Variants in AP4M1 observed in about 807,000 individuals in gnomAD.
AP4M1 encodes the protein adaptor related protein complex 4 subunit mu 1, also known as AP-4 complex subunit mu-1.
Under a neutral mutation model 62.4 loss-of-function variants are expected in AP4M1, and 58 were observed. The observed-to-expected ratio is 0.93, with a 90% CI of 0.75 to 1.16. The LOEUF (loss-of-function observed/expected upper bound fraction) is 1.16, where lower values mean the gene tolerates loss of function less well. AP4M1 is among the 50% of genes most tolerant of loss of function. AP4M1 has a pLI of 0.00. For missense variants in AP4M1, 626 were observed against 585.4 expected (o/e 1.07, Z -0.72); for synonymous variants, 290 against 239.7 (o/e 1.21, Z -1.94).
intron 2 of AP4M1, 95 bp from the exon 3 acceptor site, chr7:100,102,580 G>C: frequency 9.4e-7 from 1 of 1,062,666 alleles, no homozygotes; most frequent in Non-Finnish European, 1.4e-6. Flanking sequence ...GTTGTGACTA[G>C]TAAGAGGCAT....
At chr7:100,101,111 G>A (rs1364483502), upstream of AP4M1, 1 of 914,866 alleles carries the variant, frequency 1.1e-6, no homozygotes, top group Non-Finnish European at 1.7e-6. Flanking sequence ...CAGGCCCCGT[G>A]GGCCTTAGCC....
chr7:100,101,566 C>T (rs1796033904), upstream of AP4M1: 3 of 889,974 alleles, frequency 3.4e-6, no homozygotes, highest in Non-Finnish European at 5.5e-6. Flanking sequence ...CGGGGTAGTG[C>T]AGGCGCCGGG....
In AP4M1 at chr7:100,108,172, G is replaced by A; in HGVS notation, c.*1290G>A. On this transcript the variant is annotated 3_prime_UTR_variant, in exon 15 of 15. Coordinates refer to ENST00000359593, the MANE Select transcript of AP4M1 (RefSeq NM_004722.4). ...GAAGTGGCACCATCTACTAAGAAGAGGAGTCTGAAGGGAGAGGCCTGGGCT... is the reference window on the plus strand; with the variant it reads ...GAAGTGGCACCATCTACTAAGAAGAAGAGTCTGAAGGGAGAGGCCTGGGCT... The A allele has an allele frequency of 1.3e-6, 2 of 1,541,206 alleles. No individual in the cohort carries two copies. The highest frequency in any genetic ancestry group is 1.2e-5 in the South Asian group (1 of 84,148).
upstream of AP4M1, chr7:100,101,117 T>A (rs894744467): frequency 1.0e-6 from 1 of 1,002,594 alleles, no homozygotes. Context: ...CCGTGGGCCT[T>A]AGCCAGGCCG....
chr7:100,104,572 T>G (rs889688491), intron 7 of AP4M1, among the ~76,000 whole-genome samples: 3 of 152,094 alleles, frequency 2.0e-5, no homozygotes, highest in African/African-American at 7.2e-5. Flanking sequence ...GGCTCATGCC[T>G]GTAATCCCAG....
intron 11 of AP4M1, 75 bp from the exon 12 acceptor site, chr7:100,105,884 G>A: frequency 1.3e-6 from 2 of 1,553,970 alleles, no homozygotes; most frequent in South Asian, 2.2e-5. Flanking sequence ...AGCCCCACAT[G>A]GAGGTCCCTG....
chr7:100,105,280 C>T lies in AP4M1; in HGVS notation c.768C>T (p.His256=). 6.2e-7 allele frequency: 1 copy of T among 1,614,180 alleles called. No individual in the cohort carries two copies. Among genetic ancestry groups the T allele is most frequent in the Non-Finnish European group, 8.5e-7 (1 of 1,180,040 alleles). Residue 256 remains histidine, a synonymous_variant, in exon 10 of 15, where the codon CAC becomes CAT. Coordinates refer to ENST00000359593, the MANE Select transcript of AP4M1 (RefSeq NM_004722.4). The part of the protein sequence containing the change: ...PGIRVDEVSF[H]SSVNLDEFES... ...TCCGGGTCGATGAAGTCTCGTTTCA[C>T]AGCTCTGTGAATCTGGACGAATTTG...
chr7:100,101,484 C>G, upstream of AP4M1: 2 of 808,504 alleles, frequency 2.5e-6, no homozygotes, highest in Non-Finnish European at 4.0e-6. Flanking sequence ...CCGCTAGCCG[C>G]AAGCCAATCA....
chr7:100,107,507 TGCGGTGGTG>T lies in AP4M1; in HGVS notation c.*633_*641del. The T allele has an allele frequency of 2.5e-6, 4 of 1,612,888 alleles. No homozygotes were observed. Among genetic ancestry groups the T allele is most frequent in the Non-Finnish European group, 3.4e-6 (4 of 1,179,720 alleles). On this transcript the variant is annotated 3_prime_UTR_variant, in exon 15 of 15. Coordinates refer to ENST00000359593, the MANE Select transcript of AP4M1 (RefSeq NM_004722.4). Reference sequence around the variant, plus strand: ...GACCAGAGGGAGCAGTGCTGGGGGGTGCGGTGGTGGCGGTGGAGACCAACTTGACGATGG... The same window carrying T: ...GACCAGAGGGAGCAGTGCTGGGGGGTGCGGTGGAGACCAACTTGACGATGG...
chr7:100,107,746 G>T lies in AP4M1; in HGVS notation c.*864G>T. The T allele has an allele frequency of 6.9e-7, 1 of 1,448,912 alleles. No individual in the cohort carries two copies. The highest frequency in any genetic ancestry group is 9.2e-7 in the Non-Finnish European group (1 of 1,086,650). The allele number at this position is 1,448,912 out of a possible 1,614,324, so 89.8% of individuals were successfully genotyped here. On this transcript the variant is annotated 3_prime_UTR_variant, in exon 15 of 15. Transcript: ENST00000359593. ...GTTCCTGTAGTTCACCCTGTAGACA[G>T]CTATGGCTGGAGACCTTGTTCATGC... is the stretch of plus-strand genomic sequence containing the variant.
Position 100,101,885 on chromosome 7 carries a change from G to T in AP4M1, c.64G>T (p.Gly22Trp). The T allele has an allele frequency of 6.2e-7, 1 of 1,613,402 alleles. No homozygotes were observed. Among genetic ancestry groups the T allele is most frequent in the Non-Finnish European group, 8.5e-7 (1 of 1,179,964 alleles). The change falls in exon 2 of 15, where the codon GGG becomes TGG. Residue 22 changes from glycine to tryptophan, a missense_variant. Transcript: ENST00000359593. ...TGAGTCCTTCCACCCGCCAGTCCGC[G>T]GGGACAGTGGCGGCCGGGATGTGGC... is the stretch of plus-strand genomic sequence containing the variant. ...GDPLIYKDFRGDSGGRDVAEL... is the reference protein window; with the variant it reads ...GDPLIYKDFRWDSGGRDVAEL...
intron 7 of AP4M1, 101 bp downstream of exon 7, chr7:100,104,255 T>A: frequency 2.0e-6 from 2 of 1,008,316 alleles, no homozygotes; most frequent in Non-Finnish European, 3.1e-6. Flanking sequence ...CAGTGGCTCA[T>A]GCTTGTAATC....
Position 100,108,657 on chromosome 7 carries a change from T to G in AP4M1, c.*1775T>G. The G allele has an allele frequency of 5.9e-6, 7 of 1,192,446 alleles. No individual in the cohort carries two copies. The highest frequency in any genetic ancestry group is 2.3e-4 in the Middle Eastern group (1 of 4,292). The allele number at this position is 1,192,446 out of a possible 1,614,324, so 73.9% of individuals were successfully genotyped here. The stretch of plus-strand genomic sequence containing the variant: ...GGGATGGGGTAAAAAAGGACATTCC[T>G]TATCATCTCAGTGCCCCTGTTGAAG... On this transcript the variant is annotated 3_prime_UTR_variant, in exon 15 of 15. Coordinates refer to ENST00000359593, the MANE Select transcript of AP4M1 (RefSeq NM_004722.4).
chr7:100,103,471 T>C lies in AP4M1; in HGVS notation c.414T>C (p.Ala138=), dbSNP rs1796224920. ...TGAGGAATTTCATCCAGACGGAAGC[T>C]GTGGTCAGCAAGCCCTTCAGCCTCT... The part of the protein sequence containing the change: ...EMLRNFIQTE[A]VVSKPFSLFD... The change falls in exon 5 of 15, where the codon GCT becomes GCC. Residue 138 remains alanine (A), a synonymous_variant. Transcript: ENST00000359593. 1.2e-6 allele frequency: 2 copies of C among 1,614,154 alleles called. No homozygotes were observed. Among genetic ancestry groups the C allele is most frequent in the Non-Finnish European group, 1.7e-6 (2 of 1,180,012 alleles).
chr7:100,100,903 T>A (rs1003121401), upstream of AP4M1: 3 of 1,055,762 alleles, frequency 2.8e-6, no homozygotes, highest in African/African-American at 5.0e-5. Context: ...AACCTGGGAA[T>A]GCCCAAAAGC....
At chr7:100,101,802 G>GC in intron 1 of AP4M1, 30 bp downstream of exon 1, 1 of 1,611,468 alleles carries the variant, frequency 6.2e-7, no homozygotes, top group Non-Finnish European at 8.5e-7. Context: ...CTGGGAAGGG[G>GC]CGGAGGGGCC....
chr7:100,104,413 A>G (rs938967566), intron 7 of AP4M1, among the ~76,000 whole-genome samples: 1 of 152,130 alleles, frequency 6.6e-6, no homozygotes, highest in Non-Finnish European at 1.5e-5. Flanking sequence ...TGTCCCAGCT[A>G]CTTGGGAGGC....
chr7:100,104,250 G>A, intron 7 of AP4M1, 96 bp downstream of exon 7: 1 of 1,053,476 alleles, frequency 9.5e-7, no homozygotes, highest in South Asian at 1.3e-5. Flanking sequence ...GGGCACAGTG[G>A]CTCATGCTTG....
rs759860615 is a variant in AP4M1, at chr7:100,107,664, C to G, written c.*782C>G. 1 of 1,596,372 alleles carries G rather than the reference C, an allele frequency of 6.3e-7. No individual in the cohort carries two copies. Among genetic ancestry groups the G allele is most frequent in the Non-Finnish European group, 8.5e-7 (1 of 1,173,024 alleles). ...AGGCAGGCCGCTTGCCCTGTGCCCT[C>G]CCTGCCCCCCAGAGGCCTGGCGAGG... On this transcript the variant is annotated 3_prime_UTR_variant, in exon 15 of 15. Transcript: ENST00000359593.
Sources: allele counts gnomAD v4.1 joint callset (sites outside exome capture counted in the v4.1 genomes callset), GRCh38; gene constraint gnomAD v4.1.1; transcripts MANE v1.5; gene names NCBI Gene and HGNC (gene_info 2026-07-23, HGNC 2026-07-21).